NCKAP5: variants seen among roughly 807,000 people sequenced by gnomAD.
The protein encoded by NCKAP5 is nck-associated protein 5.
NCKAP5 carries 92 observed loss-of-function variants against 167.0 expected under a neutral mutation model. The observed-to-expected ratio is 0.55, with a 90% CI of 0.47 to 0.66. The LOEUF is 0.66. Ranked by LOEUF, NCKAP5 falls within the 30% of genes least tolerant of loss-of-function variation. NCKAP5 has a pLI of 0.00. For synonymous variants in NCKAP5, 891 were observed against 877.4 expected, an observed-to-expected ratio of 1.02 and a Z score of -0.27; for missense variants, 2,378 against 2,315.0, an observed-to-expected ratio of 1.03 and a Z score of -0.56.
the NCKAP5 span, among the ~76,000 whole-genome samples, chr2:133,597,713 G>C: frequency 2.7e-5 from 4 of 147,068 alleles, no homozygotes; most frequent in Admixed American, 2.7e-4. Flanking sequence ...AGAAAAAAAA[G>C]GGGGAGATGC....
intron 8 of NCKAP5, among the ~76,000 whole-genome samples, chr2:132,883,950 G>A (rs1692001178): frequency 2.0e-5 from 3 of 152,156 alleles, no homozygotes; most frequent in African/African-American, 7.2e-5. Flanking sequence ...CCAGAATAGG[G>A]CACAAAAATG....
At chr2:132,795,594 G>T (rs1684513818) in intron 12 of NCKAP5, among the ~76,000 whole-genome samples, 1 of 152,066 alleles carries the variant, frequency 6.6e-6, no homozygotes, top group South Asian at 2.1e-4. Flanking sequence ...GCCGAGGCAG[G>T]CAGATCACAA....
intron 3 of NCKAP5, among the ~76,000 whole-genome samples, chr2:133,332,551 T>A (rs1682928713): frequency 6.6e-6 from 1 of 152,194 alleles, no homozygotes; most frequent in Non-Finnish European, 1.5e-5. Flanking sequence ...GAGGCAATAA[T>A]CATATAGTCA....
At chr2:133,431,406 T>C (rs1285846428) in intron 3 of NCKAP5, among the ~76,000 whole-genome samples, 2 of 152,190 alleles carry the variant, frequency 1.3e-5, no homozygotes, top group African/African-American at 4.8e-5. Flanking sequence ...CTCTGGACTT[T>C]TAGAGGTAGA....
chr2:132,888,738 C>A (rs1692450101), intron 8 of NCKAP5, among the ~76,000 whole-genome samples: 1 of 152,228 alleles, frequency 6.6e-6, no homozygotes. Context: ...CCATCTGACA[C>A]ATTCTGACAA....
intron 8 of NCKAP5, among the ~76,000 whole-genome samples, chr2:132,950,833 T>A (rs2076164555): frequency 6.6e-6 from 1 of 152,126 alleles, no homozygotes; most frequent in Non-Finnish European, 1.5e-5. Flanking sequence ...ATCTTAGTAT[T>A]TTATGAGATT....
chr2:133,096,927 T>C (rs953989618), intron 6 of NCKAP5, among the ~76,000 whole-genome samples: 3 of 152,212 alleles, frequency 2.0e-5, no homozygotes, highest in Non-Finnish European at 2.9e-5. Context: ...TAAACTTTTA[T>C]CTTAAGCAGA....
At chr2:132,906,986 C>T (rs1694055875) in intron 8 of NCKAP5, among the ~76,000 whole-genome samples, 1 of 152,198 alleles carries the variant, frequency 6.6e-6, no homozygotes, top group South Asian at 2.1e-4. Context: ...ATTTACTGAA[C>T]TTACACTGCA....
intron 3 of NCKAP5, among the ~76,000 whole-genome samples, chr2:133,484,772 G>A (rs1680759370): frequency 6.6e-6 from 1 of 151,932 alleles, no homozygotes. Context: ...CCCATCCCAA[G>A]ATATCTCATG....
intron 9 of NCKAP5, among the ~76,000 whole-genome samples, chr2:132,870,396 G>T (rs1233128925): frequency 2.0e-5 from 3 of 152,090 alleles, no homozygotes; most frequent in Admixed American, 2.0e-4. Flanking sequence ...AACTGAAATT[G>T]ACAGCATGAA....
At chr2:132,765,822 A>G (rs1681422931) in intron 16 of NCKAP5, among the ~76,000 whole-genome samples, 1 of 152,138 alleles carries the variant, frequency 6.6e-6, no homozygotes, top group Admixed American at 6.6e-5. Context: ...GTGACCAAGC[A>G]CTGGCCAATG....
chr2:133,398,397 C>T (rs1369550673), intron 3 of NCKAP5, among the ~76,000 whole-genome samples: 2 of 152,126 alleles, frequency 1.3e-5, no homozygotes, highest in African/African-American at 4.8e-5. Context: ...CAAACCTGCA[C>T]GTTCTGCTCA....
At chr2:133,303,006 G>A (rs1256928782) in intron 4 of NCKAP5, 31 bp downstream of exon 4, 2 of 1,513,084 alleles carry the variant, frequency 1.3e-6, no homozygotes, top group Non-Finnish European at 1.8e-6. Context: ...TGCTACCTGA[G>A]CAAGCAAATA....
At chr2:133,653,270 T>G in the NCKAP5 span, among the ~76,000 whole-genome samples, 1 of 152,352 alleles carries the variant, frequency 6.6e-6, no homozygotes, top group African/African-American at 2.4e-5. Flanking sequence ...CTGCCAATAA[T>G]TGGAGCATAT....
At chr2:133,554,521 G>C (rs1186744015) in intron 2 of NCKAP5, 1 of 152,148 alleles carries the variant, frequency 6.6e-6, no homozygotes, top group Non-Finnish European at 1.5e-5. Flanking sequence ...AAGGAGTTAT[G>C]ACCCAGTGAT....
At chr2:132,919,125 T>C (rs1409547083) in intron 8 of NCKAP5, among the ~76,000 whole-genome samples, 1 of 152,174 alleles carries the variant, frequency 6.6e-6, no homozygotes, top group East Asian at 1.9e-4. Context: ...GCAATTCACA[T>C]AGCAAAGTGG....
intron 2 of NCKAP5, among the ~76,000 whole-genome samples, chr2:133,519,996 G>C (rs1189905908): frequency 1.3e-5 from 2 of 151,890 alleles, no homozygotes; most frequent in Non-Finnish European, 2.9e-5. Flanking sequence ...GACCATCCTG[G>C]CCAACATGGT....
chr2:132,681,199 T>G (rs1440829799), intron 19 of NCKAP5, among the ~76,000 whole-genome samples: 1 of 152,274 alleles, frequency 6.6e-6, no homozygotes, highest in East Asian at 1.9e-4. Context: ...GTTCCTGAGA[T>G]GAGAACTTCT....
At chr2:133,249,266 T>G (rs72985668) in intron 4 of NCKAP5, among the ~76,000 whole-genome samples, 1 of 152,200 alleles carries the variant, frequency 6.6e-6, no homozygotes, top group South Asian at 2.1e-4. Context: ...AAGGTCCTTG[T>G]GAAAGGAACT....
Sources: gnomAD v4.1 joint callset for allele counts (sites outside exome capture counted in the v4.1 genomes callset) on GRCh38, gnomAD v4.1.1 for gene constraint, MANE v1.5 for transcripts, NCBI Gene and HGNC (gene_info 2026-07-23, HGNC 2026-07-21) for gene names.